Variants in TSPAN1 observed in about 807,000 individuals in gnomAD.
TSPAN1 encodes the protein tetraspanin-1.
In TSPAN1, 23 loss-of-function variants were observed where a neutral mutation model predicts 26.9. The observed-to-expected ratio is 0.85, with a 90% CI of 0.62 to 1.21. The LOEUF (loss-of-function observed/expected upper bound fraction) is 1.21, where lower values mean the gene tolerates loss of function less well. TSPAN1 is among the 50% of genes most tolerant of loss of function. The pLI is 0.00. For missense variants in TSPAN1, 283 were observed against 298.4 expected (o/e 0.95, Z 0.38); for synonymous variants, 115 against 114.8 (o/e 1.00, Z -0.01).
the TSPAN1 span, chr1:46,194,403 T>C: frequency 1.2e-6 from 2 of 1,614,182 alleles, no homozygotes; most frequent in East Asian, 4.5e-5. Flanking sequence ...ACTCTGCCTC[T>C]GAGGGAAGGA....
the TSPAN1 span, chr1:46,196,165 G>A: frequency 2.5e-6 from 4 of 1,600,564 alleles, no homozygotes; most frequent in Non-Finnish European, 2.6e-6. The surrounding 1 kb of genome is among the most constrained non-coding windows in gnomAD (Gnocchi z 4.4). Context: ...CCAGCTGCTT[G>A]AAACATCACC....
rs202195992 is a variant in TSPAN1, at chr1:46,179,596, T to TC, written c.-141-925dup. On this transcript the variant is annotated intron_variant, in intron 1 of 8. Coordinates refer to ENST00000372003, the MANE Select transcript of TSPAN1 (RefSeq NM_005727.4). The stretch of plus-strand genomic sequence containing the variant: ...TGAATGACCCAGAAGCCAGGACTTT[T>TC]CCCCCGCACCTCTACATCAGGCGTG... Among the ~76,000 whole-genome samples the TC allele has an allele frequency of 2.0e-3, 297 of 152,134 alleles. 5 individuals carry two copies. The highest frequency in any genetic ancestry group is 6.8e-3 in the African/African-American group (283 of 41,484).
downstream of TSPAN1, chr1:46,190,185 C>T (rs187191355): frequency 1.6e-3 from 1,096 of 696,086 alleles, 12 homozygotes; most frequent in African/African-American, 0.013. Context: ...GCTGGGACTA[C>T]AGGCGCCTGC....
At chr1:46,184,057 T>C in intron 3 of TSPAN1, 134 bp from the exon 4 acceptor site, 1 of 924,760 alleles carries the variant, frequency 1.1e-6, no homozygotes, top group Non-Finnish European at 1.7e-6. Context: ...GTTTCCCTCC[T>C]TACAGGATGA....
intron 1 of TSPAN1, among the ~76,000 whole-genome samples, chr1:46,177,403 C>T (rs1195586785): frequency 6.6e-6 from 1 of 151,672 alleles, no homozygotes; most frequent in East Asian, 1.9e-4. Flanking sequence ...ATATTTGAGT[C>T]ATTGACATTG....
At position 46,185,071 on chromosome 1, in the gene TSPAN1, A is replaced by G; in HGVS notation, c.550A>G (p.Asn184Asp). ...CAATGACAACGTCACCAACACAGCCAATGAAACCTGCACCAAGCAAAAGGC... is the reference window on the plus strand; with the variant it reads ...CAATGACAACGTCACCAACACAGCCGATGAAACCTGCACCAAGCAAAAGGC... Reference protein sequence around the residue: ...CCNDNVTNTANETCTKQKAHD... With the variant: ...CCNDNVTNTADETCTKQKAHD... The change falls in exon 7 of 9, where the codon AAT becomes GAT. Residue 184 changes from asparagine (N) to aspartate (D), a missense_variant. By Grantham distance (23) the Asn-to-Asp change is conservative. Coordinates refer to ENST00000372003, the MANE Select transcript of TSPAN1 (RefSeq NM_005727.4). 1 of 1,614,194 alleles carries G rather than the reference A, an allele frequency of 6.2e-7. No individual in the cohort carries two copies. Among genetic ancestry groups the G allele is most frequent in the Non-Finnish European group, 8.5e-7 (1 of 1,180,032 alleles).
At chr1:46,190,941 C>A (rs1657718325), downstream of TSPAN1, 2 of 720,316 alleles carry the variant, frequency 2.8e-6, no homozygotes, top group African/African-American at 1.8e-5. Context: ...TTTGCAGCAT[C>A]CTCAGCAAGC....
intron 1 of TSPAN1, 189 bp downstream of exon 1, chr1:46,175,598 A>G (rs1657114833): frequency 2.3e-5 from 9 of 399,152 alleles, no homozygotes; most frequent in Admixed American, 4.4e-5. Flanking sequence ...AGAGGATCAG[A>G]AAAATCCCAG....
chr1:46,184,519 C>A, intron 4 of TSPAN1, 75 bp from the exon 5 acceptor site: 1 of 1,561,376 alleles, frequency 6.4e-7, no homozygotes, highest in Non-Finnish European at 8.8e-7. Flanking sequence ...CTCACTTTTC[C>A]GGGGGGGGGA....
intron 1 of TSPAN1, chr1:46,176,508 C>G (rs1657172936): frequency 6.5e-7 from 1 of 1,532,604 alleles, no homozygotes; most frequent in African/African-American, 1.4e-5. Flanking sequence ...CTGGGGGGTG[C>G]TGTTGGCCAG....
intron 3 of TSPAN1, 123 bp downstream of exon 3, chr1:46,181,287 A>G: frequency 2.2e-6 from 2 of 926,236 alleles, no homozygotes; most frequent in Non-Finnish European, 3.3e-6. Context: ...GTGTCCCCTT[A>G]TGAGTGGGAT....
chr1:46,192,578 T>C, the TSPAN1 span: 1 of 1,614,086 alleles, frequency 6.2e-7, no homozygotes, highest in Non-Finnish European at 8.5e-7. Context: ...GGTGGATGGA[T>C]TGGCTCAGGA....
intron 1 of TSPAN1, among the ~76,000 whole-genome samples, chr1:46,180,108 G>GCA (rs1434591306): frequency 4.7e-4 from 71 of 152,200 alleles, no homozygotes; most frequent in Non-Finnish European, 7.4e-5. Context: ...GCGCACGGAC[G>GCA]CACACACACA....
At chr1:46,191,431 A>G in the TSPAN1 span, 1 of 178,054 alleles carries the variant, frequency 5.6e-6, no homozygotes, top group South Asian at 1.3e-4. Flanking sequence ...GCACTTGCCA[A>G]AACAGGAAAG....
chr1:46,192,242 G>T, the TSPAN1 span: 1 of 1,614,174 alleles, frequency 6.2e-7, no homozygotes, highest in South Asian at 1.1e-5. Flanking sequence ...CATGGACCAC[G>T]ATGAAGGTTA....
chr1:46,176,522 A>G (rs1657173661), intron 1 of TSPAN1: 8 of 1,529,542 alleles, frequency 5.2e-6, no homozygotes, highest in Non-Finnish European at 7.0e-6. Flanking sequence ...TGGCCAGGGT[A>G]GCTGAGGCCT....
chr1:46,176,122 G>T, intron 1 of TSPAN1: 3 of 1,273,818 alleles, frequency 2.4e-6, no homozygotes, highest in Admixed American at 2.1e-5. Context: ...TGATCTGCCC[G>T]CCTTGGCCTC....
chr1:46,183,901 C>A, intron 3 of TSPAN1: 1 of 493,776 alleles, frequency 2.0e-6, no homozygotes, highest in South Asian at 2.2e-5. Context: ...TGTGGCAGGA[C>A]CCTGGCAGCA....
At chr1:46,178,466 G>C (rs1657237808) in intron 1 of TSPAN1, among the ~76,000 whole-genome samples, 1 of 146,306 alleles carries the variant, frequency 6.8e-6, no homozygotes, top group Non-Finnish European at 1.5e-5. Context: ...CCTCCTTTCT[G>C]TTTGTGGAGG....
Sources: gnomAD v4.1 joint callset for allele counts (sites outside exome capture counted in the v4.1 genomes callset) on GRCh38, gnomAD v4.1.1 for gene constraint, Gnocchi (gnomAD v3.1) non-coding constraint, MANE v1.5 for transcripts, NCBI Gene and HGNC (gene_info 2026-07-23, HGNC 2026-07-21) for gene names.